Variants in MYL1 observed in about 807,000 individuals in gnomAD.
The protein encoded by MYL1 is myosin light chain 1/3, skeletal muscle isoform.
Under a neutral mutation model 21.8 loss-of-function variants are expected in MYL1, and 16 were observed. The ratio of observed to expected loss-of-function variants is 0.74; its 90% CI spans 0.50 to 1.12. The LOEUF (loss-of-function observed/expected upper bound fraction) is 1.12. MYL1 is among the 50% of genes most tolerant of loss of function. The pLI is 0.00. For missense variants in MYL1, 246 were observed against 241.0 expected, an observed-to-expected ratio of 1.02 and a Z score of -0.14; for synonymous variants, 99 against 85.2, an observed-to-expected ratio of 1.16 and a Z score of -0.89.
intron 1 of MYL1, among the ~76,000 whole-genome samples, chr2:210,313,931 G>T (rs902350686): frequency 6.6e-6 from 1 of 151,906 alleles, no homozygotes. Flanking sequence ...CACCTCATGG[G>T]TACTATTGCT....
chr2:210,294,111 T>C (rs963402800), intron 4 of MYL1, 134 bp downstream of exon 4: 7 of 987,980 alleles, frequency 7.1e-6, no homozygotes, highest in Non-Finnish European at 1.0e-5. Flanking sequence ...AAATGGTCAT[T>C]AACTTTTGAC....
intron 3 of MYL1, among the ~76,000 whole-genome samples, chr2:210,295,054 AG>A (rs1690151361): frequency 6.6e-6 from 1 of 152,164 alleles, no homozygotes; most frequent in African/African-American, 2.4e-5. Flanking sequence ...CTTAGAGGCC[AG>A]GAGATGATAG....
At position 210,296,983 on chromosome 2, in the gene MYL1, G is replaced by A. The variant is rs527327778; in HGVS notation, c.304+1437C>T. ...AAATTTCATTTTTTATGGTTAAATA[G>A]TATTCCATTGTGTGTGTGTGTGTGT... On this transcript the variant is annotated intron_variant, in intron 3 of 6. Transcript: ENST00000352451. 3.6e-3 allele frequency among the ~76,000 whole-genome samples: 517 copies of A among 143,106 alleles called. 1 individual carries two copies. The highest frequency in any genetic ancestry group is 0.012 in the African/African-American group (457 of 37,978). 93.9% of individuals were successfully genotyped at this position (143,106 alleles called of 152,430 possible). A position where few individuals can be genotyped will look rare whatever the true frequency, so the allele number is the denominator to read the frequency against.
At chr2:210,299,535 A>G (rs1690232224) in intron 2 of MYL1, among the ~76,000 whole-genome samples, 1 of 152,150 alleles carries the variant, frequency 6.6e-6, no homozygotes, top group Non-Finnish European at 1.5e-5. Context: ...TCTTTTATGA[A>G]TACATATTTT....
intron 3 of MYL1, among the ~76,000 whole-genome samples, chr2:210,296,038 G>A (rs1429159613): frequency 1.3e-5 from 2 of 151,894 alleles, no homozygotes; most frequent in Admixed American, 6.6e-5. Flanking sequence ...AACTGTCAAG[G>A]GAAAGAAAAA....
intron 4 of MYL1, 27 bp downstream of exon 4, chr2:210,294,218 T>C: frequency 6.9e-6 from 11 of 1,587,940 alleles, no homozygotes; most frequent in Non-Finnish European, 9.4e-6. Flanking sequence ...TCTGTCTCAC[T>C]AAGTCCACTG....
chr2:210,298,510 A>AGGTGATCTT lies in MYL1; in HGVS notation c.205_213dup (p.Lys69_Thr71dup). 6.2e-7 allele frequency: 1 copy of AGGTGATCTT among 1,614,110 alleles called. No homozygotes were observed. The highest frequency in any genetic ancestry group is 1.3e-5 in the African/African-American group (1 of 75,048). On this transcript the variant is annotated inframe_insertion, in exon 3 of 7. Coordinates refer to ENST00000352451, the MANE Select transcript of MYL1 (RefSeq NM_079420.3). The stretch of plus-strand genomic sequence containing the variant: ...CGAAGGACATCACCGACCTGGCTTA[A>AGGTGATCTT]GGTGATCTTGGAATCACCTGTTCTG...
At chr2:210,293,901 A>G in intron 4 of MYL1, 101 bp from the exon 5 acceptor site, 2 of 980,708 alleles carry the variant, frequency 2.0e-6, no homozygotes, top group Non-Finnish European at 3.2e-6. Flanking sequence ...AACTCTTGAC[A>G]TATAGGAACT....
chr2:210,301,742 A>T (rs1229536480), intron 2 of MYL1, among the ~76,000 whole-genome samples: 3 of 152,156 alleles, frequency 2.0e-5, no homozygotes, highest in African/African-American at 7.2e-5. Context: ...CCCAAAGGTG[A>T]AAAGGTTGAC....
chr2:210,294,508 C>A (rs776525823), intron 3 of MYL1, 90 bp from the exon 4 acceptor site: 6 of 1,243,560 alleles, frequency 4.8e-6, no homozygotes, highest in Admixed American at 2.2e-5. Flanking sequence ...TCTAGGTTAT[C>A]TGAAAAACCT....
At position 210,314,995 on chromosome 2, in the gene MYL1, A is replaced by G. The variant is rs1189547434; in HGVS notation, c.48T>C (p.Ala16=). ...DVKKPVAAAA[A]APAPAPAPAP... is the part of the protein sequence containing the mutation. ...CAGGTGCCGGTGCCGGGGCTGGGGC[A>G]GCCGCAGCCGCAGCCACAGGTTTCT... The change falls in exon 1 of 7, where the codon GCT becomes GCC. Residue 16 remains alanine, a synonymous_variant. Transcript: ENST00000352451. 2.5e-6 allele frequency: 4 copies of G among 1,605,804 alleles called. No individual in the cohort carries two copies. Among genetic ancestry groups the G allele is most frequent in the Admixed American group, 1.7e-5 (1 of 57,628 alleles).
At chr2:210,291,218 C>T in intron 5 of MYL1, 144 bp from the exon 6 acceptor site, 1 of 624,082 alleles carries the variant, frequency 1.6e-6, no homozygotes, top group South Asian at 2.4e-5. Flanking sequence ...GTGTGTATAG[C>T]TCATAATTCT....
At chr2:210,308,036 A>C (rs943333162) in intron 1 of MYL1, among the ~76,000 whole-genome samples, 2 of 151,980 alleles carry the variant, frequency 1.3e-5, no homozygotes, top group Admixed American at 1.3e-4. Flanking sequence ...ATGCCCTGGG[A>C]AGGAACATGG....
intron 1 of MYL1, among the ~76,000 whole-genome samples, chr2:210,305,559 T>A (rs1472229788): frequency 6.6e-6 from 1 of 152,168 alleles, no homozygotes; most frequent in Non-Finnish European, 1.5e-5. Context: ...TAAATTTGAA[T>A]CATCTTATGA....
intron 6 of MYL1, 117 bp downstream of exon 6, chr2:210,290,915 A>G: frequency 1.8e-6 from 1 of 543,962 alleles, no homozygotes. Flanking sequence ...TAATTAATAT[A>G]AATATCTCGT....
chr2:210,301,583 A>G (rs1690265883), intron 2 of MYL1, among the ~76,000 whole-genome samples: 1 of 152,026 alleles, frequency 6.6e-6, no homozygotes. Flanking sequence ...TTTTGAAGCT[A>G]ATTTTTTCTC....
chr2:210,306,114 C>T (rs1690338335), intron 1 of MYL1, among the ~76,000 whole-genome samples: 1 of 151,494 alleles, frequency 6.6e-6, no homozygotes, highest in African/African-American at 2.4e-5. Context: ...GGTGTGGTGG[C>T]TCATGCGTGT....
intron 1 of MYL1, among the ~76,000 whole-genome samples, chr2:210,312,828 A>T (rs1275002062): frequency 1.3e-5 from 2 of 151,894 alleles, no homozygotes; most frequent in Admixed American, 1.3e-4. Context: ...AATAATAAAG[A>T]TGGAGCATAC....
intron 1 of MYL1, chr2:210,303,467 C>G: frequency 6.9e-7 from 1 of 1,449,768 alleles, no homozygotes; most frequent in Non-Finnish European, 9.5e-7. Context: ...TTTTGCCTAT[C>G]TTTCTTCTCA....
Sources: allele counts gnomAD v4.1 joint callset (sites outside exome capture counted in the v4.1 genomes callset), GRCh38; gene constraint gnomAD v4.1.1; transcripts MANE v1.5; gene names NCBI Gene and HGNC (gene_info 2026-07-23, HGNC 2026-07-21).